NIN: variants seen among roughly 807,000 people sequenced by gnomAD.
NIN encodes glycogen synthase kinase 3 beta-interacting protein.
A neutral mutation model predicts 257.6 loss-of-function variants in NIN; 137 were observed. That is an observed-to-expected ratio of 0.53 (90% CI 0.46 to 0.61). The LOEUF (loss-of-function observed/expected upper bound fraction) is 0.61. Among genes scored for constraint, NIN ranks in the 20% least tolerant of loss-of-function variants. The probability of loss-of-function intolerance (pLI) is 0.00; values close to 1 mark genes in which losing one functional copy is unlikely to be tolerated. For missense variants in NIN, 2,439 were observed against 2,501.2 expected (o/e 0.98, Z 0.53); for synonymous variants, 918 against 919.8 (o/e 1.00, Z 0.04).
intron 3 of NIN, among the ~76,000 whole-genome samples, chr14:50,810,226 G>T (rs1353691975): frequency 2.4e-5 from 3 of 126,876 alleles, no homozygotes; most frequent in South Asian, 2.6e-4. Context: ...GTGAGACTCC[G>T]TCTCAAAAAA....
At chr14:50,810,904 TG>T (rs2044567090) in intron 3 of NIN, among the ~76,000 whole-genome samples, 2 of 152,126 alleles carry the variant, frequency 1.3e-5, no homozygotes, top group Admixed American at 1.3e-4. Context: ...CCTCGTGATC[TG>T]CCCACCTCGG....
chr14:50,761,989 A>G (rs1186354756), intron 15 of NIN, 78 bp from the exon 16 acceptor site: 1 of 1,450,614 alleles, frequency 6.9e-7, no homozygotes, highest in Non-Finnish European at 9.6e-7. Context: ...AGGGACATCC[A>G]GTTTAACTAA....
chr14:50,817,239 T>A (rs1176962532), intron 3 of NIN, among the ~76,000 whole-genome samples: 3 of 152,194 alleles, frequency 2.0e-5, no homozygotes. Flanking sequence ...GCACCACTAT[T>A]ACAAACCAAT....
At chr14:50,760,521 CA>C (rs566767968) in intron 16 of NIN, among the ~76,000 whole-genome samples, 162 bp from the exon 17 acceptor site, 21 of 147,724 alleles carry the variant, frequency 1.4e-4, no homozygotes, top group Non-Finnish European at 2.5e-4. Flanking sequence ...ACACTTTAAG[CA>C]AGATACTTAA....
intron 3 of NIN, among the ~76,000 whole-genome samples, chr14:50,812,527 C>A (rs2142300211): frequency 6.6e-6 from 1 of 152,254 alleles, no homozygotes; most frequent in African/African-American, 2.4e-5. Flanking sequence ...ATCAGCTACC[C>A]CATAGATTCC....
intron 25 of NIN, among the ~76,000 whole-genome samples, chr14:50,740,341 A>T (rs2041218393): frequency 7.1e-6 from 1 of 141,272 alleles, no homozygotes; most frequent in South Asian, 2.2e-4. Flanking sequence ...CGCATGTACT[A>T]CCACAGCTGG....
rs2042794301 is a variant in NIN at position 50,773,087 on chromosome 14, C to T, written c.675G>A (p.Glu225=). 6.2e-7 allele frequency: 1 copy of T among 1,610,418 alleles called. No individual in the cohort carries two copies. Among genetic ancestry groups the T allele is most frequent in the Admixed American group, 1.7e-5 (1 of 59,392 alleles). ...GLQNVDGEML[E]EVFHNLDPDG... The stretch of plus-strand genomic sequence containing the variant: ...CAGGATCAAGATTATGGAATACTTC[C>T]TCGAGCATCTAGAAAAGAGTCATCA... Residue 225 remains glutamate (E), a synonymous_variant, in exon 8 of 31, where the codon GAG becomes GAA. Coordinates refer to ENST00000530997, the MANE Select transcript of NIN (RefSeq NM_020921.4).
At chr14:50,737,495 C>CA (rs58386910) in intron 27 of NIN, among the ~76,000 whole-genome samples, 2,639 of 54,120 alleles carry the variant, frequency 0.049, 91 homozygotes, top group African/African-American at 0.068. Flanking sequence ...TGTTACATAG[C>CA]AAAAAAAAAA....
Position 50,721,853 on chromosome 14 carries a change from C to G in NIN, c.*1610G>C. The G allele has an allele frequency of 4.5e-6, 1 of 223,172 alleles. No homozygotes were observed. The highest frequency in any genetic ancestry group is 9.0e-6 in the Non-Finnish European group (1 of 111,602). The allele number at this position is 223,172 out of a possible 1,614,324, so 13.8% of individuals were successfully genotyped here. ...GCCTCCTGGGTTGACCGGTGAGACT[C>G]ATAAGCCCCCAAGAAACCCTGAAGT... is the stretch of plus-strand genomic sequence containing the variant. On this transcript the variant is annotated 3_prime_UTR_variant, in exon 31 of 31. Coordinates refer to ENST00000530997, the MANE Select transcript of NIN (RefSeq NM_020921.4).
In NIN at chr14:50,720,789, C is replaced by T. The variant is rs2040256301; in HGVS notation, c.*2674G>A. ...GATGAGAGAGGTGGGTTTTACTATC[C>T]ACATTTTCCTTTTCTTAGTGTAACG... is the stretch of plus-strand genomic sequence containing the variant. On this transcript the variant is annotated 3_prime_UTR_variant, in exon 31 of 31. Transcript: ENST00000530997. The T allele has an allele frequency of 4.9e-6, 1 of 202,024 alleles. No homozygotes were observed. Among genetic ancestry groups the T allele is most frequent in the East Asian group, 7.7e-5 (1 of 13,012 alleles). 12.5% of individuals were successfully genotyped at this position (202,024 alleles called of 1,614,324 possible).
intron 28 of NIN, 89 bp downstream of exon 28, chr14:50,735,427 T>G: frequency 6.8e-7 from 1 of 1,480,512 alleles, no homozygotes; most frequent in South Asian, 1.4e-5. Flanking sequence ...CAACGGGAAT[T>G]CAATGCCATG....
At position 50,757,113 on chromosome 14, in the gene NIN, C is replaced by G; in HGVS notation, c.3917G>C (p.Ser1306Thr). Residue 1306 changes from serine to threonine, a missense_variant, in exon 18 of 31, where the codon AGC (serine) becomes ACC (threonine). By Grantham distance (58) the Ser-to-Thr change is moderately conservative. Coordinates refer to ENST00000530997, the MANE Select transcript of NIN (RefSeq NM_020921.4). ...KMEEVTETFLSLEKSYDEVKI... is the reference protein window; with the variant it reads ...KMEEVTETFLTLEKSYDEVKI... The stretch of plus-strand genomic sequence containing the variant: ...GACCTCATCGTAACTCTTTTCCAGG[C>G]TGAGGAATGTTTCAGTGACTTCCTC... 1 of 1,612,994 alleles carries G rather than the reference C, an allele frequency of 6.2e-7. No individual in the cohort carries two copies. The highest frequency in any genetic ancestry group is 1.7e-5 in the Admixed American group (1 of 59,770).
intron 28 of NIN, among the ~76,000 whole-genome samples, chr14:50,732,512 A>C (rs2040765306): frequency 6.6e-6 from 1 of 152,134 alleles, no homozygotes; most frequent in South Asian, 2.1e-4. Context: ...CAGGTTTTGG[A>C]AGGAGTGGTA....
chr14:50,806,972 A>G (rs2044358441), intron 3 of NIN, among the ~76,000 whole-genome samples, 154 bp from the exon 4 acceptor site: 1 of 152,226 alleles, frequency 6.6e-6, no homozygotes, highest in Non-Finnish European at 1.5e-5. Context: ...CTAAAGACAG[A>G]AGGGAAAATA....
chr14:50,774,373 C>T (rs535862071), intron 7 of NIN, among the ~76,000 whole-genome samples: 1 of 152,174 alleles, frequency 6.6e-6, no homozygotes, highest in South Asian at 2.1e-4. Context: ...TTTTTTTCCC[C>T]AATTCATACC....
intron 4 of NIN, among the ~76,000 whole-genome samples, chr14:50,797,994 C>A (rs933554991): frequency 6.6e-6 from 1 of 151,672 alleles, no homozygotes. Flanking sequence ...GGGAGGGGAA[C>A]GTCTCAAGGA....
chr14:50,756,566 C>T lies in NIN; in HGVS notation c.4464G>A (p.Glu1488=). Residue 1488 remains glutamate, a synonymous_variant, in exon 18 of 31, where the codon GAG becomes GAA. Coordinates refer to ENST00000530997, the MANE Select transcript of NIN (RefSeq NM_020921.4). ...CATGCATCATTGCCTTCAGCTCTTCCTCCTTTTCTCCGTGAGAAAGTACAT... is the reference window on the plus strand; with the variant it reads ...CATGCATCATTGCCTTCAGCTCTTCTTCCTTTTCTCCGTGAGAAAGTACAT... The part of the protein sequence containing the change: ...QKDVLSHGEK[E]EELKAMMHDL... The T allele has an allele frequency of 6.2e-7, 1 of 1,612,778 alleles. No homozygotes were observed. Among genetic ancestry groups the T allele is most frequent in the Admixed American group, 1.7e-5 (1 of 59,882 alleles).
At position 50,757,990 on chromosome 14, in the gene NIN, T is replaced by C. The variant is rs2042111541; in HGVS notation, c.3040A>G (p.Arg1014Gly). 6.2e-7 allele frequency: 1 copy of C among 1,614,252 alleles called. No homozygotes were observed. The highest frequency in any genetic ancestry group is 8.5e-7 in the Non-Finnish European group (1 of 1,180,048). Residue 1014 changes from arginine to glycine, a missense_variant, in exon 18 of 31, where the codon AGA (arginine) becomes GGA (glycine). By Grantham distance (125) the Arg-to-Gly change is moderately radical. Coordinates refer to ENST00000530997, the MANE Select transcript of NIN (RefSeq NM_020921.4). ...ERAEMSTEIS[R>G]LQSKIKEMQQ... The stretch of plus-strand genomic sequence containing the variant: ...ATTTCCTTTATTTTACTCTGAAGTC[T>C]GGAGATTTCTGTGCTCATCTCGGCT...
intron 20 of NIN, among the ~76,000 whole-genome samples, chr14:50,753,353 T>C (rs1016526409): frequency 3.9e-5 from 6 of 152,162 alleles, no homozygotes; most frequent in Admixed American, 6.5e-5. Flanking sequence ...TGAGCTGAGA[T>C]TGCGCCATTG....
Sources: gnomAD v4.1 joint callset for allele counts (sites outside exome capture counted in the v4.1 genomes callset) on GRCh38, gnomAD v4.1.1 for gene constraint, MANE v1.5 for transcripts, NCBI Gene and HGNC (gene_info 2026-07-23, HGNC 2026-07-21) for gene names.